AGAP1: variants seen among roughly 807,000 people sequenced by gnomAD.
AGAP1 encodes the protein arf-GAP with GTPase, ANK repeat and PH domain-containing protein 1.
A neutral mutation model predicts 105.3 loss-of-function variants in AGAP1; 29 were observed. The ratio of observed to expected loss-of-function variants is 0.28; its 90% CI spans 0.21 to 0.38. The LOEUF (loss-of-function observed/expected upper bound fraction) is 0.38, where lower values mean the gene tolerates loss of function less well. Among genes scored for constraint, AGAP1 ranks in the 10% least tolerant of loss-of-function variants. The probability of loss-of-function intolerance (pLI) is 1.00; values close to 1 mark genes in which losing one functional copy is unlikely to be tolerated. For missense variants in AGAP1, 998 were observed against 1,165.1 expected, an observed-to-expected ratio of 0.86 and a Z score of 2.09; for synonymous variants, 509 against 485.9, an observed-to-expected ratio of 1.05 and a Z score of -0.63.
chr2:235,941,361 G>A (rs1189905013), intron 12 of AGAP1, among the ~76,000 whole-genome samples: 1 of 152,206 alleles, frequency 6.6e-6, no homozygotes, highest in Non-Finnish European at 1.5e-5. Flanking sequence ...TAGTCCACAA[G>A]TATTTATTGA....
rs1348001146 is a variant in AGAP1, at chr2:235,582,375, G to A, written c.163+87526G>A. On this transcript the variant is annotated intron_variant, in intron 1 of 17. Transcript: ENST00000304032. The surrounding 1 kb of genome is among the most constrained non-coding windows in gnomAD (Gnocchi z 4.7). ...ACCAGGATTGCTTGTCCTTTGCAGT[G>A]TGCTGGACAGGAGCCACACAGTGTA... is the stretch of plus-strand genomic sequence containing the variant. Among the ~76,000 whole-genome samples, 1 of 152,162 alleles carries A rather than the reference G, an allele frequency of 6.6e-6. No homozygotes were observed. Among genetic ancestry groups the A allele is most frequent in the African/African-American group, 2.4e-5 (1 of 41,444 alleles).
intron 1 of AGAP1, among the ~76,000 whole-genome samples, chr2:235,530,497 G>A (rs996158532): frequency 1.3e-5 from 2 of 152,246 alleles, no homozygotes; most frequent in Non-Finnish European, 2.9e-5. Context: ...TGGCAGGGCC[G>A]CGTTCCTTCT....
Position 235,750,880 on chromosome 2 carries a change from A to G in AGAP1, c.673+392A>G, listed in dbSNP as rs918566862. ...TCCTTTAAAGCAGTTTAAATATTTG[A>G]TATTAGGCTTTGAGAAGAGAACTGA... On this transcript the variant is annotated intron_variant, in intron 6 of 17. Transcript: ENST00000304032. This position sits in a 1 kb window ranked among gnomAD's most constrained non-coding sequence, Gnocchi z 5.3. 2.2e-4 allele frequency among the ~76,000 whole-genome samples: 33 copies of G among 152,222 alleles called. No individual in the cohort carries two copies. The highest frequency in any genetic ancestry group is 7.5e-4 in the African/African-American group (31 of 41,526).
intron 11 of AGAP1, among the ~76,000 whole-genome samples, chr2:235,925,231 A>G (rs1034354753): frequency 2.6e-5 from 4 of 152,156 alleles, no homozygotes; most frequent in African/African-American, 7.2e-5. Flanking sequence ...CTACTCCAGG[A>G]AGGAGGGCAT....
At position 235,633,323 on chromosome 2, in the gene AGAP1, G is replaced by A. The variant is rs1446338131; in HGVS notation, c.164-75856G>A. Among the ~76,000 whole-genome samples, 1 of 152,142 alleles carries A rather than the reference G, an allele frequency of 6.6e-6. No homozygotes were observed. The highest frequency in any genetic ancestry group is 1.5e-5 in the Non-Finnish European group (1 of 68,030). ...ATAGGGCATGAGCGGGCCGGGCGTG[G>A]TGGCTCATGCCTGTAATCCTAGCAC... On this transcript the variant is annotated intron_variant, in intron 1 of 17. Coordinates refer to ENST00000304032, the MANE Select transcript of AGAP1 (RefSeq NM_001037131.3). This position sits in a 1 kb window ranked among gnomAD's most constrained non-coding sequence, Gnocchi z 4.8.
In AGAP1 at chr2:235,894,475, C is replaced by G. The variant is rs148479407; in HGVS notation, c.1155+11026C>G. 4.1e-3 allele frequency among the ~76,000 whole-genome samples: 617 copies of G among 152,238 alleles called. 3 individuals carry two copies. The highest frequency in any genetic ancestry group is 7.0e-3 in the Non-Finnish European group (475 of 68,026). ...AACCTTGACGTGTAGATACTGCCTA[C>G]TTCAAGTCATACTGCAGCTCTGCCT... On this transcript the variant is annotated intron_variant, in intron 10 of 17. Transcript: ENST00000304032.
chr2:236,094,291 T>TA (rs201524432), intron 16 of AGAP1, among the ~76,000 whole-genome samples: 1,542 of 139,224 alleles, frequency 0.011, 15 homozygotes, highest in East Asian at 0.031. Flanking sequence ...TCTATATCTT[T>TA]AAAAAAAAAA....
At chr2:235,920,786 A>C (rs762256156) in intron 11 of AGAP1, among the ~76,000 whole-genome samples, 1 of 152,232 alleles carries the variant, frequency 6.6e-6, no homozygotes, top group Non-Finnish European at 1.5e-5. Context: ...CAACATCACC[A>C]TTTTAAGCTT....
chr2:235,706,151 T>TTGG (rs1238110661), intron 1 of AGAP1, among the ~76,000 whole-genome samples: 2 of 152,214 alleles, frequency 1.3e-5, no homozygotes, highest in Non-Finnish European at 2.9e-5. Context: ...ACCTGTTAAG[T>TTGG]TGGAAATTTT....
At chr2:236,043,996 T>C (rs2057639568) in intron 15 of AGAP1, among the ~76,000 whole-genome samples, 3 of 152,104 alleles carry the variant, frequency 2.0e-5, no homozygotes, top group Admixed American at 6.5e-5. Context: ...CAGAGAATGC[T>C]CTAGACCGCC....
chr2:235,846,365 C>G (rs1054503570), intron 9 of AGAP1, among the ~76,000 whole-genome samples: 13 of 152,102 alleles, frequency 8.5e-5, no homozygotes, highest in Non-Finnish European at 1.8e-4. Context: ...ACTCTGTCAC[C>G]CAGGCTGGAG....
In AGAP1 at chr2:236,123,416, C is replaced by T. The variant is rs2059946660; in HGVS notation, c.2371-503C>T. Among the ~76,000 whole-genome samples, 1 of 151,890 alleles carries T rather than the reference C, an allele frequency of 6.6e-6. No individual in the cohort carries two copies. The highest frequency in any genetic ancestry group is 6.6e-5 in the Admixed American group (1 of 15,250). ...TAATCAATAAAAAATGAAAAAAATACAAATTATTTGTACAGTCTTATCTCA... is the reference window on the plus strand; with the variant it reads ...TAATCAATAAAAAATGAAAAAAATATAAATTATTTGTACAGTCTTATCTCA... On this transcript the variant is annotated intron_variant, in intron 17 of 17. Transcript: ENST00000304032. The surrounding 1 kb of genome is among the most constrained non-coding windows in gnomAD (Gnocchi z 4.6).
chr2:235,850,148 C>T (rs766280425), intron 9 of AGAP1, among the ~76,000 whole-genome samples: 4 of 152,182 alleles, frequency 2.6e-5, no homozygotes, highest in Admixed American at 2.0e-4. Flanking sequence ...TCCGGCAAAC[C>T]GTGGGTTAGT....
In AGAP1 at chr2:235,553,423, T is replaced by A. The variant is rs998579090; in HGVS notation, c.163+58574T>A. Among the ~76,000 whole-genome samples the A allele has an allele frequency of 6.6e-6, 1 of 152,172 alleles. No homozygotes were observed. Among genetic ancestry groups the A allele is most frequent in the African/African-American group, 2.4e-5 (1 of 41,440 alleles). On this transcript the variant is annotated intron_variant, in intron 1 of 17. Coordinates refer to ENST00000304032, the MANE Select transcript of AGAP1 (RefSeq NM_001037131.3). This position sits in a 1 kb window ranked among gnomAD's most constrained non-coding sequence, Gnocchi z 4.5. ...CATACTTCTCCTTTAATCCCACAGC[T>A]AGTTTTAAAAACTACATGATTGTGT...
intron 11 of AGAP1, among the ~76,000 whole-genome samples, chr2:235,928,254 C>T (rs1209924960): frequency 6.6e-6 from 1 of 152,172 alleles, no homozygotes; most frequent in South Asian, 2.1e-4. Flanking sequence ...CCAGGGAAGC[C>T]CCGGCAGCCA....
intron 16 of AGAP1, among the ~76,000 whole-genome samples, chr2:236,065,718 C>T (rs2058328654): frequency 6.6e-6 from 1 of 152,226 alleles, no homozygotes. Flanking sequence ...AAAAATGGGG[C>T]TCTTCTGACA....
Position 235,507,492 on chromosome 2 carries a change from A to G in AGAP1, c.163+12643A>G, listed in dbSNP as rs1559209502. Reference sequence around the variant, plus strand: ...GCTGCTCCTGCTCCAGATTCCAGAAATTTCTATGGAACATTTCCTGAACCA... The same window carrying G: ...GCTGCTCCTGCTCCAGATTCCAGAAGTTTCTATGGAACATTTCCTGAACCA... On this transcript the variant is annotated intron_variant, in intron 1 of 17. Coordinates refer to ENST00000304032, the MANE Select transcript of AGAP1 (RefSeq NM_001037131.3). The G allele has an allele frequency of 1.3e-5, 2 of 152,132 alleles. 1 individual carries two copies. The highest frequency in any genetic ancestry group is 4.2e-4 in the South Asian group (2 of 4,814). 9.4% of individuals were successfully genotyped at this position (152,132 alleles called of 1,614,324 possible).
At chr2:236,006,899 T>G (rs568763631) in intron 13 of AGAP1, among the ~76,000 whole-genome samples, 33 of 152,230 alleles carry the variant, frequency 2.2e-4, no homozygotes, top group Non-Finnish European at 4.0e-4. Flanking sequence ...ATGTATTTAA[T>G]TTTAAATGAA....
At chr2:235,784,088 A>C (rs773559685) in intron 6 of AGAP1, among the ~76,000 whole-genome samples, 1 of 152,142 alleles carries the variant, frequency 6.6e-6, no homozygotes, top group African/African-American at 2.4e-5. Flanking sequence ...TTCGCTTTCA[A>C]ATTTTTTTTG....
Sources: allele counts gnomAD v4.1 joint callset (sites outside exome capture counted in the v4.1 genomes callset), GRCh38; gene constraint gnomAD v4.1.1; non-coding constraint Gnocchi (gnomAD v3.1); transcripts MANE v1.5; gene names NCBI Gene and HGNC (gene_info 2026-07-23, HGNC 2026-07-21).